PTPRD: variants seen among roughly 807,000 people sequenced by gnomAD.
PTPRD encodes the protein receptor-type tyrosine-protein phosphatase delta.
In PTPRD, 34 loss-of-function variants were observed where a neutral mutation model predicts 214.5. The observed-to-expected ratio is 0.16, with a 90% CI of 0.12 to 0.21. The LOEUF (loss-of-function observed/expected upper bound fraction) is 0.21. PTPRD is among the 10% of genes least tolerant of loss of function. PTPRD has a pLI of 1.00. For missense variants in PTPRD, 2,545 were observed against 2,398.7 expected (o/e 1.06, Z -1.27); for synonymous variants, 1,128 against 845.7 (o/e 1.33, Z -5.79).
intron 7 of PTPRD, among the ~76,000 whole-genome samples, chr9:9,714,587 T>A (rs897715932): frequency 1.3e-5 from 2 of 152,210 alleles, no homozygotes; most frequent in Non-Finnish European, 2.9e-5. Context: ...ACCCTGTATT[T>A]CTTTAGCATA....
At chr9:9,544,963 C>T (rs10977842) in intron 8 of PTPRD, among the ~76,000 whole-genome samples, 1 of 151,182 alleles carries the variant, frequency 6.6e-6, no homozygotes, top group African/African-American at 2.4e-5. Context: ...TAAATCTCAT[C>T]TTGTTGTTCT....
intron 9 of PTPRD, among the ~76,000 whole-genome samples, chr9:9,264,968 T>G (rs1045691454): frequency 6.7e-6 from 1 of 149,802 alleles, no homozygotes; most frequent in Non-Finnish European, 1.5e-5. Context: ...AAAGAAAAGA[T>G]AGAGTTTCAC....
At chr9:9,043,844 C>T (rs867212172) in intron 10 of PTPRD, among the ~76,000 whole-genome samples, 1 of 151,338 alleles carries the variant, frequency 6.6e-6, no homozygotes, top group Non-Finnish European at 1.5e-5. Flanking sequence ...GCGGAGGTTG[C>T]AACCAGCTGA....
intron 3 of PTPRD, among the ~76,000 whole-genome samples, chr9:10,256,537 T>C (rs940566685): frequency 1.3e-5 from 2 of 152,146 alleles, no homozygotes. Context: ...GAGTGAAACG[T>C]CATTATGTGG....
chr9:9,190,076 C>A (rs997254613), intron 9 of PTPRD, among the ~76,000 whole-genome samples: 1 of 152,058 alleles, frequency 6.6e-6, no homozygotes, highest in African/African-American at 2.4e-5. Flanking sequence ...TGAATGTGTC[C>A]TCCAAAGTTC....
At chr9:10,309,573 C>T (rs2096206644) in intron 3 of PTPRD, among the ~76,000 whole-genome samples, 1 of 149,434 alleles carries the variant, frequency 6.7e-6, no homozygotes, top group South Asian at 2.1e-4. Context: ...CCATGTTGGT[C>T]AGGCTGGTTT....
chr9:8,950,474 GA>G (rs538668550), intron 11 of PTPRD, among the ~76,000 whole-genome samples: 2,577 of 124,660 alleles, frequency 0.021, 61 homozygotes, highest in African/African-American at 0.058. Flanking sequence ...GTCACCTTCT[GA>G]AAAAAAAAAA....
intron 3 of PTPRD, among the ~76,000 whole-genome samples, chr9:10,100,730 G>C (rs1298524802): frequency 6.6e-6 from 1 of 151,534 alleles, no homozygotes; most frequent in African/African-American, 2.4e-5. Flanking sequence ...TGAGCACCTC[G>C]TAAGTGTCAT....
At chr9:8,770,905 C>T (rs114901819) in intron 11 of PTPRD, among the ~76,000 whole-genome samples, 173 of 152,202 alleles carry the variant, frequency 1.1e-3, no homozygotes, top group African/African-American at 3.9e-3. Flanking sequence ...TTATGCCAGG[C>T]GTGGTGGCTC....
At chr9:9,449,849 C>G (rs1366611106) in intron 8 of PTPRD, among the ~76,000 whole-genome samples, 1 of 151,868 alleles carries the variant, frequency 6.6e-6, no homozygotes, top group Non-Finnish European at 1.5e-5. Context: ...GCAGTGTACA[C>G]TATATACAAT....
chr9:9,575,467 TC>T (rs1327491626), intron 7 of PTPRD, among the ~76,000 whole-genome samples: 1 of 151,894 alleles, frequency 6.6e-6, no homozygotes, highest in Non-Finnish European at 1.5e-5. Flanking sequence ...ATGCCTGTAA[TC>T]CCAGCACTTT....
chr9:8,601,511 C>T (rs1564638559), intron 14 of PTPRD, among the ~76,000 whole-genome samples: 1 of 152,182 alleles, frequency 6.6e-6, no homozygotes, highest in Non-Finnish European at 1.5e-5. Context: ...TCTATGACCT[C>T]ACCCTTGGCT....
At chr9:10,470,044 G>A (rs2099020182) in intron 2 of PTPRD, among the ~76,000 whole-genome samples, 1 of 151,952 alleles carries the variant, frequency 6.6e-6, no homozygotes, top group Non-Finnish European at 1.5e-5. Flanking sequence ...TGGTTAACAG[G>A]TAGTGTTTGG....
intron 11 of PTPRD, among the ~76,000 whole-genome samples, chr9:8,940,446 C>CTGTTT (rs2099025937): frequency 1.1e-5 from 1 of 95,032 alleles, no homozygotes. Flanking sequence ...CCACTCCCAG[C>CTGTTT]TTTTTTTTTT....
At chr9:9,681,761 A>C (rs1039373139) in intron 7 of PTPRD, among the ~76,000 whole-genome samples, 2 of 151,808 alleles carry the variant, frequency 1.3e-5, no homozygotes, top group Non-Finnish European at 2.9e-5. Flanking sequence ...AGTTACTTTA[A>C]TTAAAAGGTG....
intron 5 of PTPRD, among the ~76,000 whole-genome samples, chr9:9,881,856 T>C (rs10119302): frequency 0.087 from 13,224 of 152,076 alleles, 1,385 homozygotes; most frequent in African/African-American, 0.25. Flanking sequence ...CATCCTCTTA[T>C]ACCTCTACAT....
At chr9:8,601,183 G>A (rs974804093) in intron 14 of PTPRD, among the ~76,000 whole-genome samples, 1 of 152,160 alleles carries the variant, frequency 6.6e-6, no homozygotes, top group African/African-American at 2.4e-5. Context: ...CGAAGAGTGA[G>A]AAGCACTATG....
chr9:10,587,437 T>A (rs1015015644), intron 2 of PTPRD, among the ~76,000 whole-genome samples: 1 of 152,010 alleles, frequency 6.6e-6, no homozygotes, highest in African/African-American at 2.4e-5. Context: ...TCAAACAGAA[T>A]CCATATCATA....
intron 8 of PTPRD, among the ~76,000 whole-genome samples, chr9:9,561,949 T>A (rs1038785548): frequency 6.6e-6 from 1 of 152,194 alleles, no homozygotes; most frequent in African/African-American, 2.4e-5. Flanking sequence ...TTAAATGTCA[T>A]CTCTGTGCCA....
Sources: gnomAD v4.1 joint callset for allele counts (sites outside exome capture counted in the v4.1 genomes callset) on GRCh38, gnomAD v4.1.1 for gene constraint, MANE v1.5 for transcripts, NCBI Gene and HGNC (gene_info 2026-07-23, HGNC 2026-07-21) for gene names.